PTPRR: variants seen among roughly 807,000 people sequenced by gnomAD.
PTPRR encodes receptor-type tyrosine-protein phosphatase R.
In PTPRR, 38 loss-of-function variants were observed where a neutral mutation model predicts 77.2. The observed-to-expected ratio is 0.49, with a 90% confidence interval of 0.38 to 0.65. The LOEUF (loss-of-function observed/expected upper bound fraction) is 0.65, where lower values mean the gene tolerates loss of function less well. Ranked by LOEUF, PTPRR falls within the 30% of genes least tolerant of loss-of-function variation. The probability of loss-of-function intolerance (pLI) is 0.00; values close to 1 mark genes in which losing one functional copy is unlikely to be tolerated. For missense variants in PTPRR, 744 were observed against 799.2 expected (o/e 0.93, Z 0.83); for synonymous variants, 299 against 283.1 (o/e 1.06, Z -0.57).
At chr12:70,689,857 C>A (rs1020882426) in intron 8 of PTPRR, among the ~76,000 whole-genome samples, 1 of 152,210 alleles carries the variant, frequency 6.6e-6, no homozygotes, top group South Asian at 2.1e-4. Context: ...TAGTCACCAT[C>A]CCTGTCTTTC....
intron 10 of PTPRR, chr12:70,664,508 G>C (rs1399945881): frequency 6.6e-6 from 1 of 152,216 alleles, no homozygotes; most frequent in Non-Finnish European, 1.5e-5. Flanking sequence ...TCTGGCGTAC[G>C]TGCCCCATTG....
intron 6 of PTPRR, among the ~76,000 whole-genome samples, chr12:70,703,814 A>G (rs779046196): frequency 6.6e-6 from 1 of 152,098 alleles, no homozygotes; most frequent in Non-Finnish European, 1.5e-5. Flanking sequence ...GCCCTCTGTC[A>G]ATGGAGTGAT....
chr12:70,908,169 C>T (rs1399455270), intron 1 of PTPRR, among the ~76,000 whole-genome samples: 1 of 151,960 alleles, frequency 6.6e-6, no homozygotes. Flanking sequence ...GAATAATTCT[C>T]ATAGCAGATT....
intron 4 of PTPRR, among the ~76,000 whole-genome samples, chr12:70,755,124 T>A (rs905759490): frequency 6.6e-6 from 1 of 152,186 alleles, no homozygotes; most frequent in African/African-American, 2.4e-5. Context: ...TTCAGTTGTA[T>A]AATTTAGTGA....
At chr12:70,828,233 A>G (rs1462788626) in intron 2 of PTPRR, among the ~76,000 whole-genome samples, 2 of 152,224 alleles carry the variant, frequency 1.3e-5, no homozygotes, top group Non-Finnish European at 1.5e-5. Flanking sequence ...TTAAGGACAT[A>G]ATAAGCCTCA....
intron 13 of PTPRR, among the ~76,000 whole-genome samples, chr12:70,652,152 A>G (rs1394881649): frequency 1.3e-5 from 2 of 152,200 alleles, no homozygotes; most frequent in East Asian, 3.9e-4. Flanking sequence ...GCAAGTGCAT[A>G]ACGGTAGACA....
At chr12:70,836,768 A>G (rs1375711444) in intron 2 of PTPRR, among the ~76,000 whole-genome samples, 1 of 151,890 alleles carries the variant, frequency 6.6e-6, no homozygotes, top group Non-Finnish European at 1.5e-5. Flanking sequence ...ACCAGCTGCT[A>G]CTTTATCAGG....
At chr12:70,755,809 G>A (rs1890548951) in intron 4 of PTPRR, among the ~76,000 whole-genome samples, 1 of 152,016 alleles carries the variant, frequency 6.6e-6, no homozygotes, top group Non-Finnish European at 1.5e-5. Flanking sequence ...AACAACTTTG[G>A]GTTCAAGCGA....
At chr12:70,671,376 A>G (rs1024592020) in intron 10 of PTPRR, among the ~76,000 whole-genome samples, 9 of 152,208 alleles carry the variant, frequency 5.9e-5, no homozygotes, top group African/African-American at 9.6e-5. Context: ...CTGTAGGGAA[A>G]AAAAGCACAA....
intron 7 of PTPRR, among the ~76,000 whole-genome samples, chr12:70,699,479 C>T (rs973890895): frequency 2.0e-5 from 3 of 152,144 alleles, no homozygotes; most frequent in Non-Finnish European, 4.4e-5. Flanking sequence ...TGGGATCTCA[C>T]TCTGTCACCT....
chr12:70,824,662 G>A (rs1173221643), intron 2 of PTPRR, among the ~76,000 whole-genome samples: 3 of 152,170 alleles, frequency 2.0e-5, no homozygotes, highest in Non-Finnish European at 4.4e-5. Flanking sequence ...GTCTGGTGGT[G>A]TCAGCTGCTG....
intron 10 of PTPRR, chr12:70,673,054 GA>G (rs1308439264): frequency 9.6e-7 from 1 of 1,039,438 alleles, no homozygotes; most frequent in Non-Finnish European, 1.3e-6. Context: ...AAAAAAGAAA[GA>G]AAGAAAGAAA....
chr12:70,639,369 C>A, intron 13 of PTPRR, 92 bp from the exon 14 acceptor site: 1 of 1,479,940 alleles, frequency 6.8e-7, no homozygotes, highest in Non-Finnish European at 9.2e-7. Context: ...GGTATTATGC[C>A]AAAGACACAT....
chr12:70,741,245 C>T (rs1013406206), intron 6 of PTPRR, among the ~76,000 whole-genome samples: 1 of 151,718 alleles, frequency 6.6e-6, no homozygotes, highest in South Asian at 2.1e-4. Context: ...TATATGTGTC[C>T]TCAAGAAGCT....
At chr12:70,885,057 G>A (rs1233744694) in intron 2 of PTPRR, among the ~76,000 whole-genome samples, 1 of 151,546 alleles carries the variant, frequency 6.6e-6, no homozygotes, top group African/African-American at 2.4e-5. Context: ...TAAGATTTAA[G>A]GTCTAAGATC....
At chr12:70,649,337 G>T (rs1886309448) in intron 13 of PTPRR, among the ~76,000 whole-genome samples, 1 of 152,014 alleles carries the variant, frequency 6.6e-6, no homozygotes. Flanking sequence ...GCCATACCTG[G>T]ACTCCTCAGA....
chr12:70,713,341 T>A (rs1240972607), intron 6 of PTPRR, among the ~76,000 whole-genome samples: 1 of 152,216 alleles, frequency 6.6e-6, no homozygotes, highest in Non-Finnish European at 1.5e-5. Context: ...CTAGTATGAA[T>A]TATTTTGCTA....
At position 70,764,757 on chromosome 12, in the gene PTPRR, T is replaced by C. The variant is rs1183277871; in HGVS notation, c.379A>G (p.Lys127Glu). Residue 127 changes from lysine (K) to glutamate (E), a missense_variant, in exon 3 of 14, where the codon AAG becomes GAG. Physicochemically the swap from Lys to Glu is moderately conservative, Grantham distance 56 (BLOSUM62 1). Transcript: ENST00000283228. ...IVVTLQMDVN[K>E]LNITLLRIFR... is the part of the protein sequence containing the mutation. ...ATCCGAAGCAAGGTTATGTTCAGCT[T>C]GTTTACATCCATTTGCAGTGTCTAG... The C allele has an allele frequency of 5.0e-6, 8 of 1,613,864 alleles. No individual in the cohort carries two copies. Among genetic ancestry groups the C allele is most frequent in the Non-Finnish European group, 6.8e-6 (8 of 1,179,828 alleles).
At chr12:70,656,257 T>C (rs1886573792) in intron 13 of PTPRR, among the ~76,000 whole-genome samples, 2 of 151,948 alleles carry the variant, frequency 1.3e-5, no homozygotes, top group Non-Finnish European at 2.9e-5. Flanking sequence ...AGGCCAGGCA[T>C]GGTGGCTCAT....
Sources: allele counts gnomAD v4.1 joint callset (sites outside exome capture counted in the v4.1 genomes callset), GRCh38; gene constraint gnomAD v4.1.1; transcripts MANE v1.5; gene names NCBI Gene and HGNC (gene_info 2026-07-23, HGNC 2026-07-21).